The following SLC35F1 variants were observed in gnomAD, a reference collection of about 807,000 sequenced individuals.
SLC35F1 encodes solute carrier family 35 member F1.
In SLC35F1, 14 loss-of-function variants were observed where a neutral mutation model predicts 48.7. The ratio of observed to expected loss-of-function variants is 0.29; its 90% CI spans 0.19 to 0.45. The LOEUF is 0.45. Ranked by LOEUF, SLC35F1 falls within the 20% of genes least tolerant of loss-of-function variation. SLC35F1 has a pLI of 1.00. For missense variants in SLC35F1, 404 were observed against 500.0 expected, an observed-to-expected ratio of 0.81 and a Z score of 1.83; for synonymous variants, 190 against 202.2, an observed-to-expected ratio of 0.94 and a Z score of 0.51.
At chr6:118,256,525 CTT>C (rs2114609433) in intron 3 of SLC35F1, among the ~76,000 whole-genome samples, 1 of 152,186 alleles carries the variant, frequency 6.6e-6, no homozygotes, top group East Asian at 1.9e-4. Context: ...AGAGGAGTCT[CTT>C]TTGGGCACAG....
chr6:118,142,181 G>A (rs965263712), intron 1 of SLC35F1, among the ~76,000 whole-genome samples: 2 of 152,002 alleles, frequency 1.3e-5, no homozygotes, highest in Non-Finnish European at 2.9e-5. Context: ...AAAAGGTTGA[G>A]CTTTTTATAA....
At chr6:118,132,409 G>A (rs980393013) in intron 1 of SLC35F1, among the ~76,000 whole-genome samples, 5 of 152,196 alleles carry the variant, frequency 3.3e-5, no homozygotes, top group Non-Finnish European at 5.9e-5. Flanking sequence ...GAATTAGACC[G>A]AGTTCAGATT....
intron 2 of SLC35F1, among the ~76,000 whole-genome samples, chr6:118,220,201 A>T (rs898378622): frequency 3.9e-5 from 6 of 152,148 alleles, no homozygotes; most frequent in African/African-American, 9.7e-5. Context: ...AATATTTTTT[A>T]AAAAAGAAAA....
chr6:118,144,429 G>T (rs1773939935), intron 1 of SLC35F1, among the ~76,000 whole-genome samples: 1 of 151,644 alleles, frequency 6.6e-6, no homozygotes, highest in Non-Finnish European at 1.5e-5. Context: ...ACACACTGGG[G>T]CCTGCAGGGG....
At chr6:118,131,436 C>T (rs1452061488) in intron 1 of SLC35F1, among the ~76,000 whole-genome samples, 1 of 151,970 alleles carries the variant, frequency 6.6e-6, no homozygotes, top group African/African-American at 2.4e-5. Context: ...ACTTAATGAG[C>T]CATTAAGTTA....
At chr6:118,224,783 G>C (rs1582738732) in intron 2 of SLC35F1, among the ~76,000 whole-genome samples, 2 of 152,230 alleles carry the variant, frequency 1.3e-5, no homozygotes, top group East Asian at 3.9e-4. Context: ...TACTGAATTT[G>C]CTTATCAGTT....
chr6:117,937,616 T>TA (rs1360678575), intron 1 of SLC35F1, among the ~76,000 whole-genome samples: 5 of 152,146 alleles, frequency 3.3e-5, no homozygotes, highest in African/African-American at 4.8e-5. Flanking sequence ...TCAGAAGAGC[T>TA]AAAAAATTCT....
At chr6:118,086,567 A>G (rs529313140) in intron 1 of SLC35F1, among the ~76,000 whole-genome samples, 1 of 152,330 alleles carries the variant, frequency 6.6e-6, no homozygotes, top group African/African-American at 2.4e-5. Context: ...AAGAGGAATG[A>G]AAGGTTTTAC....
intron 1 of SLC35F1, among the ~76,000 whole-genome samples, chr6:118,087,397 T>C (rs1398157951): frequency 3.9e-5 from 6 of 152,148 alleles, no homozygotes; most frequent in African/African-American, 1.2e-4. Flanking sequence ...CTTCAACATA[T>C]TCGTTTTGAG....
At chr6:118,197,789 C>G (rs1774822858) in intron 2 of SLC35F1, among the ~76,000 whole-genome samples, 2 of 152,082 alleles carry the variant, frequency 1.3e-5, no homozygotes, top group Non-Finnish European at 1.5e-5. Context: ...AGAAAAATCA[C>G]TGCTTTACAT....
intron 1 of SLC35F1, among the ~76,000 whole-genome samples, chr6:118,041,895 T>C (rs941440603): frequency 1.3e-5 from 2 of 152,078 alleles, no homozygotes; most frequent in African/African-American, 4.8e-5. Context: ...GGATGAGGAC[T>C]TCAGATGTTA....
chr6:117,912,293 G>T (rs535619743), intron 1 of SLC35F1, among the ~76,000 whole-genome samples: 1 of 152,094 alleles, frequency 6.6e-6, no homozygotes, highest in African/African-American at 2.4e-5. Context: ...ACCAAAGATC[G>T]TTAAGGATAT....
At chr6:118,237,876 T>C (rs1389640503) in intron 3 of SLC35F1, among the ~76,000 whole-genome samples, 1 of 152,248 alleles carries the variant, frequency 6.6e-6, no homozygotes, top group Non-Finnish European at 1.5e-5. Context: ...TGAAGTCTTA[T>C]TGTATATTTC....
chr6:118,313,950 C>A, intron 7 of SLC35F1, 78 bp from the exon 8 acceptor site: 1 of 1,325,782 alleles, frequency 7.5e-7, no homozygotes, highest in Non-Finnish European at 1.1e-6. Context: ...CAGCTCTGCT[C>A]ATGTTTCTGT....
At chr6:118,205,883 A>G (rs1489487071) in intron 2 of SLC35F1, among the ~76,000 whole-genome samples, 1 of 152,226 alleles carries the variant, frequency 6.6e-6, no homozygotes, top group Non-Finnish European at 1.5e-5. Flanking sequence ...AGCCAGACAC[A>G]AAAAGGACCA....
chr6:118,307,834 C>T (rs1310739903), intron 7 of SLC35F1, among the ~76,000 whole-genome samples: 4 of 152,198 alleles, frequency 2.6e-5, no homozygotes, highest in African/African-American at 9.6e-5. Context: ...CAGCTTACAG[C>T]ACGCTCAGCA....
At chr6:118,277,932 G>GA (rs1420955311) in intron 6 of SLC35F1, among the ~76,000 whole-genome samples, 3 of 152,042 alleles carry the variant, frequency 2.0e-5, no homozygotes, top group East Asian at 1.9e-4. Context: ...TTAGTAAAGG[G>GA]AAAAAAACTG....
rs182440012 is a variant in SLC35F1, at chr6:117,918,810, T to C, written c.173+10911T>C. ...ATGAGGATAGTGGGGCAGTGCATAT[T>C]TGAGGGGGCTCAGTAGGACTTGGGT... On this transcript the variant is annotated intron_variant, in intron 1 of 7. Transcript: ENST00000360388. Among the ~76,000 whole-genome samples, 165 of 152,244 alleles carry C rather than the reference T, an allele frequency of 1.1e-3. 1 individual carries two copies. The highest frequency in any genetic ancestry group is 3.7e-3 in the African/African-American group (155 of 41,528).
At chr6:118,148,081 T>C (rs1582694298) in intron 1 of SLC35F1, among the ~76,000 whole-genome samples, 2 of 152,302 alleles carry the variant, frequency 1.3e-5, no homozygotes, top group Non-Finnish European at 2.9e-5. Flanking sequence ...CTTCTCCCAC[T>C]TTCAAGGGGT....
Sources: allele counts gnomAD v4.1 joint callset (sites outside exome capture counted in the v4.1 genomes callset), GRCh38; gene constraint gnomAD v4.1.1; transcripts MANE v1.5; gene names NCBI Gene and HGNC (gene_info 2026-07-23, HGNC 2026-07-21).